ZNF536: variants seen among roughly 807,000 people sequenced by gnomAD.
The protein encoded by ZNF536 is zinc finger protein 536.
In ZNF536, 13 loss-of-function variants were observed where a neutral mutation model predicts 84.5. The ratio of observed to expected loss-of-function variants is 0.15; its 90% confidence interval spans 0.10 to 0.24. ZNF536 has a LOEUF of 0.24. Ranked by LOEUF, ZNF536 falls within the 10% of genes least tolerant of loss-of-function variation. The pLI, the probability that ZNF536 is intolerant of heterozygous loss-of-function variation, is 1.00. For missense variants in ZNF536, 1,536 were observed against 1,747.5 expected (o/e 0.88, Z 2.16); for synonymous variants, 811 against 742.5 (o/e 1.09, Z -1.50).
At chr19:30,554,031 G>A (rs1277029554) in intron 4 of ZNF536, 1 of 151,778 alleles carries the variant, frequency 6.6e-6, no homozygotes, top group Non-Finnish European at 1.5e-5. Context: ...AATTATACCT[G>A]AGACTATGGA....
At chr19:30,574,679 C>A (rs2046668182) in intron 1 of ZNF536, among the ~76,000 whole-genome samples, 2 of 152,202 alleles carry the variant, frequency 1.3e-5, no homozygotes, top group African/African-American at 4.8e-5. Context: ...TAATCCCATG[C>A]TGTGAAGAGC....
At chr19:30,541,415 TCCAAAA>T (rs2045329378) in intron 3 of ZNF536, among the ~76,000 whole-genome samples, 2 of 151,514 alleles carry the variant, frequency 1.3e-5, no homozygotes, top group African/African-American at 4.8e-5. Flanking sequence ...AAAAAAAATC[TCCAAAA>T]GGAGATAAGT....
chr19:30,510,413 C>A (rs889965896), intron 2 of ZNF536, among the ~76,000 whole-genome samples: 1 of 152,210 alleles, frequency 6.6e-6, no homozygotes, highest in East Asian at 1.9e-4. Flanking sequence ...AACCACCTAG[C>A]CAGCCTCTGA....
Position 30,305,683 on chromosome 19 carries a change from G to C in ZNF536, c.-120+21542G>C, listed in dbSNP as rs867983064. 3.3e-5 allele frequency among the ~76,000 whole-genome samples: 5 copies of C among 152,206 alleles called. No homozygotes were observed. In the South Asian group the frequency reaches 6.2e-4, roughly 19 times the overall value. On this transcript the variant is annotated intron_variant, in intron 2 of 5. Transcript: ENST00000585628. Reference sequence around the variant, plus strand: ...AGGTTGGGTTCAGAGGGTGACCCCAGATCTGGGTTTGGGGTTTGGGGTTTG... The same window carrying C: ...AGGTTGGGTTCAGAGGGTGACCCCACATCTGGGTTTGGGGTTTGGGGTTTG...
Position 30,381,356 on chromosome 19 carries a change from C to T in ZNF536, c.-3+8800C>T, listed in dbSNP as rs138155482. Among the ~76,000 whole-genome samples, 25 of 152,304 alleles carry T rather than the reference C, an allele frequency of 1.6e-4. No homozygotes were observed. The East Asian group carries it at 4.4e-3, about 27-fold the overall frequency. On this transcript the variant is annotated intron_variant, in intron 1 of 4. Coordinates refer to ENST00000355537, the MANE Select transcript of ZNF536 (RefSeq NM_014717.3). ...AGAAGGCAGGGGTGGATAGAGGCTA[C>T]ACAGTCACCTCATACATGAACAGGA...
exon 2 of ZNF536, chr19:30,712,934 G>GAAAAAAAAAAAAAAAAAA (rs11329428): frequency 1.4e-5 from 2 of 140,570 alleles, no homozygotes; most frequent in Non-Finnish European, 1.5e-5. Context: ...AATAAAAAAA[G>GAAAAAAAAAAAAAAAAAA]AAAAAAAAAA....
chr19:30,602,520 A>G (rs2047726295), intron 1 of ZNF536, among the ~76,000 whole-genome samples: 1 of 152,174 alleles, frequency 6.6e-6, no homozygotes, highest in Admixed American at 6.5e-5. Flanking sequence ...CTGGATGGGT[A>G]ATATTGTTAT....
At chr19:30,414,665 T>A (rs966573908) in intron 1 of ZNF536, among the ~76,000 whole-genome samples, 1 of 152,210 alleles carries the variant, frequency 6.6e-6, no homozygotes, top group Non-Finnish European at 1.5e-5. Flanking sequence ...CTTTCCTTCA[T>A]GTGAAAATGA....
intron 2 of ZNF536, among the ~76,000 whole-genome samples, chr19:30,475,422 A>G (rs1032410861): frequency 2.0e-5 from 3 of 152,228 alleles, no homozygotes; most frequent in African/African-American, 7.2e-5. Flanking sequence ...TGGACAACAT[A>G]GTAAGACCCT....
At chr19:30,388,833 T>A (rs1419207651) in intron 1 of ZNF536, among the ~76,000 whole-genome samples, 1 of 152,240 alleles carries the variant, frequency 6.6e-6, no homozygotes. Flanking sequence ...ATGGGCTTCC[T>A]CCACTTTCCA....
chr19:30,513,119 G>A (rs530575626), intron 2 of ZNF536, among the ~76,000 whole-genome samples: 1 of 152,138 alleles, frequency 6.6e-6, no homozygotes, highest in East Asian at 1.9e-4. Flanking sequence ...TAGAATAATG[G>A]AAAGCATTTT....
At chr19:30,421,471 T>C (rs1023867281) in intron 1 of ZNF536, among the ~76,000 whole-genome samples, 10 of 152,262 alleles carry the variant, frequency 6.6e-5, no homozygotes, top group Middle Eastern at 3.4e-3. Flanking sequence ...CACTGTAGCC[T>C]CCCAGTTCCT....
chr19:30,415,308 C>T (rs866386454), intron 1 of ZNF536, among the ~76,000 whole-genome samples: 13 of 101,938 alleles, frequency 1.3e-4, no homozygotes, highest in Non-Finnish European at 1.9e-4. Flanking sequence ...TTCTTCTTCT[C>T]CTTCTCCTTC....
intron 2 of ZNF536, among the ~76,000 whole-genome samples, chr19:30,304,179 A>G (rs2046277077): frequency 6.6e-6 from 1 of 152,060 alleles, no homozygotes; most frequent in African/African-American, 2.4e-5. Context: ...ATCCCCTGGC[A>G]TTTTCTGGGA....
At chr19:30,378,462 A>G (rs889977423) in intron 1 of ZNF536, among the ~76,000 whole-genome samples, 1 of 152,136 alleles carries the variant, frequency 6.6e-6, no homozygotes, top group African/African-American at 2.4e-5. Context: ...TGTCTGGCTA[A>G]TTTTTATATT....
rs192839679 is a variant in ZNF536 at position 30,676,613 on chromosome 19, T to C, written c.170-34144T>C. Among the ~76,000 whole-genome samples the C allele has an allele frequency of 3.6e-4, 55 of 152,346 alleles. 1 individual carries two copies. On this transcript the variant is annotated intron_variant, in intron 1 of 1. Transcript: ENST00000592773. Reference sequence around the variant, plus strand: ...CAGTTGATTTAACATTTGTGACTGGTTTATAGATTATGATATAGGATGGTG... The same window carrying C: ...CAGTTGATTTAACATTTGTGACTGGCTTATAGATTATGATATAGGATGGTG...
intron 2 of ZNF536, among the ~76,000 whole-genome samples, chr19:30,285,874 C>T (rs1307415523): frequency 1.3e-5 from 2 of 152,174 alleles, no homozygotes; most frequent in Non-Finnish European, 1.5e-5. Flanking sequence ...CACCATATGT[C>T]CCCTGGGGGG....
At chr19:30,397,986 T>G (rs2049889605) in intron 1 of ZNF536, among the ~76,000 whole-genome samples, 1 of 152,234 alleles carries the variant, frequency 6.6e-6, no homozygotes, top group African/African-American at 2.4e-5. Flanking sequence ...ATTAATTCTT[T>G]AGTTTCTTTT....
chr19:30,610,072 T>C (rs78869263), intron 1 of ZNF536, among the ~76,000 whole-genome samples: 1 of 152,198 alleles, frequency 6.6e-6, no homozygotes, highest in Non-Finnish European at 1.5e-5. Context: ...CAGATATTTA[T>C]TGAGAATCTA....
Sources: allele counts gnomAD v4.1 joint callset (sites outside exome capture counted in the v4.1 genomes callset), GRCh38; gene constraint gnomAD v4.1.1; transcripts MANE v1.5; gene names NCBI Gene and HGNC (gene_info 2026-07-23, HGNC 2026-07-21).